Variants in ZNF714 observed in about 807,000 individuals in gnomAD.
ZNF714 encodes zinc finger protein 714.
Under a neutral mutation model 46.2 loss-of-function variants are expected in ZNF714, and 32 were observed. The observed-to-expected ratio is 0.69, with a 90% confidence interval of 0.52 to 0.93. The LOEUF (loss-of-function observed/expected upper bound fraction) is 0.93, where lower values mean the gene tolerates loss of function less well. Among genes scored for constraint, ZNF714 ranks in the 40% least tolerant of loss-of-function variants. The pLI is 0.00. For missense variants in ZNF714, 635 were observed against 646.3 expected, an observed-to-expected ratio of 0.98 and a Z score of 0.19; for synonymous variants, 199 against 213.1, an observed-to-expected ratio of 0.93 and a Z score of 0.58.
At chr19:21,083,173 A>T (rs1294330566) in intron 1 of ZNF714, among the ~76,000 whole-genome samples, 1 of 151,836 alleles carries the variant, frequency 6.6e-6, no homozygotes, top group Non-Finnish European at 1.5e-5. Flanking sequence ...GGTAGCTGGG[A>T]TTACAGGCAT....
chr19:21,083,340 T>A (rs1968702405), intron 1 of ZNF714, among the ~76,000 whole-genome samples: 1 of 152,152 alleles, frequency 6.6e-6, no homozygotes, highest in Non-Finnish European at 1.5e-5. Flanking sequence ...CCAGCCAGAT[T>A]TTTTTAAAAG....
At chr19:21,097,302 G>C (rs147882062) in intron 2 of ZNF714, among the ~76,000 whole-genome samples, 2 of 152,230 alleles carry the variant, frequency 1.3e-5, no homozygotes, top group East Asian at 3.9e-4. Context: ...CTTGACCTTC[G>C]CATGAAACTG....
intron 4 of ZNF714, among the ~76,000 whole-genome samples, chr19:21,101,547 C>G (rs1291908256): frequency 2.0e-5 from 3 of 152,164 alleles, no homozygotes; most frequent in Non-Finnish European, 2.9e-5. Context: ...TTGCCTTTCA[C>G]TGAGTACCAG....
At chr19:21,084,195 AT>A in intron 2 of ZNF714, 126 bp downstream of exon 2, 2 of 251,940 alleles carry the variant, frequency 7.9e-6, no homozygotes, top group Non-Finnish European at 1.3e-5. Context: ...AGAAAAAAAA[AT>A]TGTGACAGAA....
chr19:21,120,361 G>T lies in ZNF714; in HGVS notation c.*2029G>T, dbSNP rs995585197. ...CTGGCAAGAGATTCTTTTTTATTAG[G>T]TGGGCATTATTTGTGATCTTTTCTA... On this transcript the variant is annotated 3_prime_UTR_variant, in exon 5 of 5. Transcript: ENST00000456283. 3.3e-5 allele frequency: 5 copies of T among 151,952 alleles called. No homozygotes were observed. The highest frequency in any genetic ancestry group is 2.0e-4 in the Admixed American group (3 of 15,266). The allele number at this position is 151,952 out of a possible 1,614,324, so 9.4% of individuals were successfully genotyped here. A position where few individuals can be genotyped will look rare whatever the true frequency, so the allele number is the denominator to read the frequency against.
chr19:21,106,441 C>T (rs182202262), intron 4 of ZNF714, among the ~76,000 whole-genome samples: 10 of 149,642 alleles, frequency 6.7e-5, no homozygotes, highest in African/African-American at 2.2e-4. Flanking sequence ...TGGTGGCAGG[C>T]GCCTGTAATC....
intron 4 of ZNF714, among the ~76,000 whole-genome samples, chr19:21,099,882 G>A (rs1012459731): frequency 1.8e-4 from 27 of 152,252 alleles, no homozygotes; most frequent in African/African-American, 5.8e-4. Context: ...TTGAGACAGA[G>A]TCTCGCTCTG....
intron 4 of ZNF714, among the ~76,000 whole-genome samples, chr19:21,099,974 G>A (rs1969135855): frequency 6.6e-6 from 1 of 152,158 alleles, no homozygotes; most frequent in African/African-American, 2.4e-5. Flanking sequence ...TCCTGCCTCA[G>A]CCTCCCTAAT....
At chr19:21,098,108 C>T in intron 2 of ZNF714, 77 bp from the exon 3 acceptor site, 1 of 1,520,040 alleles carries the variant, frequency 6.6e-7, no homozygotes, top group Non-Finnish European at 8.8e-7. Flanking sequence ...TCTCTCATTT[C>T]ACCTTAATTC....
Position 21,117,242 on chromosome 19 carries a change from G to C in ZNF714, c.578G>C (p.Arg193Thr). The change falls in exon 5 of 5, where the codon AGA (arginine) becomes ACA (threonine). Residue 193 changes from arginine (R) to threonine (T), a missense_variant. By Grantham distance (71) the Arg-to-Thr change is moderately conservative. Coordinates refer to ENST00000456283, the MANE Select transcript of ZNF714 (RefSeq NM_182515.4). The stretch of plus-strand genomic sequence containing the variant: ...TTCTCAACCCTTACTAGACACAAGA[G>C]AGTTCATACTGGAGAGAAACCCTTC... ...KRFSTLTRHK[R>T]VHTGEKPFKC... 1 of 1,613,922 alleles carries C rather than the reference G, an allele frequency of 6.2e-7. No homozygotes were observed. Among genetic ancestry groups the C allele is most frequent in the Non-Finnish European group, 8.5e-7 (1 of 1,179,922 alleles).
intron 4 of ZNF714, 89 bp downstream of exon 4, chr19:21,098,999 T>C (rs1312481255): frequency 6.1e-6 from 5 of 821,870 alleles, no homozygotes; most frequent in Non-Finnish European, 9.2e-6. Context: ...ACAATGTGAT[T>C]TGGGAAGCTG....
rs145827373 is a variant in ZNF714 at position 21,117,825 on chromosome 19, T to C, written c.1161T>C (p.His387=). The part of the protein sequence containing the change: ...AFNHSSKLTI[H]KIIHTGEKPY... The stretch of plus-strand genomic sequence containing the variant: ...ACCACTCCTCAAAACTTACTATACA[T>C]AAGATAATTCATACTGGAGAGAAAC... The change falls in exon 5 of 5, where the codon CAT becomes CAC. Residue 387 remains histidine (H), a synonymous_variant. Coordinates refer to ENST00000456283, the MANE Select transcript of ZNF714 (RefSeq NM_182515.4). 11,520 of 1,613,206 alleles carry C rather than the reference T, an allele frequency of 7.1e-3. 40 individuals carry two copies. Among genetic ancestry groups the C allele is most frequent in the Non-Finnish European group, 8.8e-3 (10,378 of 1,179,926 alleles).
chr19:21,093,150 T>TGCCTCG (rs1163808957), intron 2 of ZNF714, among the ~76,000 whole-genome samples: 1 of 152,060 alleles, frequency 6.6e-6, no homozygotes. Context: ...GTGATCCACC[T>TGCCTCG]GCCTCGGCCT....
intron 4 of ZNF714, among the ~76,000 whole-genome samples, chr19:21,103,590 A>G (rs768055087): frequency 1.5e-4 from 23 of 151,896 alleles, no homozygotes; most frequent in South Asian, 4.2e-4. Context: ...AACATATTAA[A>G]ATTTAGCATC....
rs562050002 is a variant in ZNF714 at position 21,121,772 on chromosome 19, T to C, written c.*3440T>C. 11 of 152,362 alleles carry C rather than the reference T, an allele frequency of 7.2e-5. No individual in the cohort carries two copies. Among genetic ancestry groups the C allele is most frequent in the African/African-American group, 2.6e-4 (11 of 41,598 alleles). 9.4% of individuals were successfully genotyped at this position (152,362 alleles called of 1,614,324 possible). ...ATTGAATTTATTACTGTACAATCCATGACTTACAGTTCTGAACCTTTTCAT... is the reference window on the plus strand; with the variant it reads ...ATTGAATTTATTACTGTACAATCCACGACTTACAGTTCTGAACCTTTTCAT... On this transcript the variant is annotated 3_prime_UTR_variant, in exon 5 of 5. Transcript: ENST00000456283.
intron 1 of ZNF714, among the ~76,000 whole-genome samples, chr19:21,083,196 C>T (rs909042153): frequency 2.0e-5 from 3 of 152,064 alleles, no homozygotes; most frequent in Admixed American, 1.3e-4. Flanking sequence ...GCCACCACGC[C>T]CGTCTAATTT....
chr19:21,107,430 G>T (rs867281686), intron 4 of ZNF714, among the ~76,000 whole-genome samples: 2 of 152,014 alleles, frequency 1.3e-5, no homozygotes, highest in African/African-American at 4.8e-5. Flanking sequence ...GTAGAGATGG[G>T]GTTTCTCCAT....
intron 2 of ZNF714, among the ~76,000 whole-genome samples, chr19:21,094,436 A>G (rs1968991325): frequency 6.6e-6 from 1 of 152,212 alleles, no homozygotes; most frequent in South Asian, 2.1e-4. Context: ...TCTGTGAGGA[A>G]TCACCACACT....
At chr19:21,084,829 A>T (rs1968737992) in intron 2 of ZNF714, among the ~76,000 whole-genome samples, 1 of 150,880 alleles carries the variant, frequency 6.6e-6, no homozygotes, top group African/African-American at 2.4e-5. Flanking sequence ...TCAGCTGGCC[A>T]GGCTGGTCTC....
Sources: gnomAD v4.1 joint callset for allele counts (sites outside exome capture counted in the v4.1 genomes callset) on GRCh38, gnomAD v4.1.1 for gene constraint, MANE v1.5 for transcripts, NCBI Gene and HGNC (gene_info 2026-07-23, HGNC 2026-07-21) for gene names.